ZNF276: variants seen among roughly 807,000 people sequenced by gnomAD.
ZNF276 encodes zinc finger protein 276.
Under a neutral mutation model 63.9 loss-of-function variants are expected in ZNF276, and 59 were observed. The ratio of observed to expected loss-of-function variants is 0.92; its 90% CI spans 0.75 to 1.15. The LOEUF is 1.15. Among genes scored for constraint, ZNF276 ranks in the 50% most tolerant of loss-of-function variants. ZNF276 has a pLI of 0.00. For synonymous variants in ZNF276, 496 were observed against 348.4 expected, an observed-to-expected ratio of 1.42 and a Z score of -4.72; for missense variants, 1,084 against 843.8, an observed-to-expected ratio of 1.28 and a Z score of -3.53.
chr16:89,720,944 T>A, upstream of ZNF276: 2 of 1,200,968 alleles, frequency 1.7e-6, no homozygotes, highest in Admixed American at 4.4e-5. Flanking sequence ...GCGCTGGTGC[T>A]GGAGCCGCCC....
intron 6 of ZNF276, chr16:89,732,963 TCCC>T (rs992701786): frequency 2.7e-5 from 9 of 329,664 alleles, no homozygotes; most frequent in African/African-American, 1.6e-4. Context: ...TGCTGTGCCC[TCCC>T]CCTCTGCTGT....
In ZNF276 at chr16:89,722,741, G is replaced by C; in HGVS notation, c.416G>C (p.Cys139Ser). 2 of 1,611,754 alleles carry C rather than the reference G, an allele frequency of 1.2e-6. No homozygotes were observed. The highest frequency in any genetic ancestry group is 1.7e-6 in the Non-Finnish European group (2 of 1,180,024). The change falls in exon 2 of 11, where the codon TGC (cysteine) becomes TCC (serine). Residue 139 changes from cysteine to serine, a missense_variant. Coordinates refer to ENST00000443381, the MANE Select transcript of ZNF276 (RefSeq NM_001113525.2). ...PTLSPFVCKSCHAQFYQCHSL... is the reference protein window; with the variant it reads ...PTLSPFVCKSSHAQFYQCHSL... Reference sequence around the variant, plus strand: ...TTGTCTCCGTTTGTCTGCAAGAGCTGCCACGCCCAGTTCTACCAGTGCCAC... The same window carrying C: ...TTGTCTCCGTTTGTCTGCAAGAGCTCCCACGCCCAGTTCTACCAGTGCCAC...
intron 1 of ZNF276, among the ~76,000 whole-genome samples, chr16:89,722,297 G>A (rs2061317433): frequency 6.6e-6 from 1 of 152,220 alleles, no homozygotes; most frequent in Non-Finnish European, 1.5e-5. Context: ...TCTTGAAGTT[G>A]CTTCGCTGGA....
At chr16:89,722,448 T>C in intron 1 of ZNF276, 83 bp from the exon 2 acceptor site, 1 of 1,457,816 alleles carries the variant, frequency 6.9e-7, no homozygotes, top group Non-Finnish European at 9.2e-7. Context: ...CTGCAGGCGC[T>C]GCCCTCGGAC....
At position 89,739,527 on chromosome 16, in the gene ZNF276, G is replaced by A. The variant is rs755375493; in HGVS notation, c.*1281G>A. 42 of 1,551,144 alleles carry A rather than the reference G, an allele frequency of 2.7e-5. No homozygotes were observed. Among genetic ancestry groups the A allele is most frequent in the South Asian group, 1.1e-4 (9 of 84,076 alleles). ...CTGGTGTGCTGATCCGGGGCCACAC[G>A]GAGGAGGAGCCGCCCCAGCCTGAGG... On this transcript the variant is annotated 3_prime_UTR_variant, in exon 11 of 11. Coordinates refer to ENST00000443381, the MANE Select transcript of ZNF276 (RefSeq NM_001113525.2).
At chr16:89,726,534 T>C (rs1009139509) in intron 4 of ZNF276, among the ~76,000 whole-genome samples, 5 of 152,142 alleles carry the variant, frequency 3.3e-5, no homozygotes, top group African/African-American at 1.2e-4. Context: ...GGTTTAACCA[T>C]GTTAGCCAGG....
chr16:89,724,160 G>A (rs1021571431), intron 4 of ZNF276, among the ~76,000 whole-genome samples: 7 of 152,214 alleles, frequency 4.6e-5, no homozygotes, highest in African/African-American at 2.4e-5. Context: ...CCAGTGTGGC[G>A]CAGCTTTCTC....
rs138210791 is a variant in ZNF276 at position 89,729,314 on chromosome 16, A to T, written c.1165A>T (p.Arg389Trp). 1 of 1,614,090 alleles carries T rather than the reference A, an allele frequency of 6.2e-7. No individual in the cohort carries two copies. The highest frequency in any genetic ancestry group is 8.5e-7 in the Non-Finnish European group (1 of 1,180,010). The part of the protein sequence containing the change: ...SDESFEPYPE[R>W]KVSGKKSESK... ...CGAGTCCTTTGAGCCTTACCCAGAA[A>T]GGAAGTAAGTGGGCAGCCCGGGGTC... The change falls in exon 6 of 11, where the codon AGG (arginine) becomes TGG (tryptophan). Residue 389 changes from arginine (R) to tryptophan (W), a missense_variant. Physicochemically the swap from Arg to Trp is moderately radical, Grantham distance 101 (BLOSUM62 -3). Coordinates refer to ENST00000443381, the MANE Select transcript of ZNF276 (RefSeq NM_001113525.2).
Position 89,725,705 on chromosome 16 carries a change from C to G in ZNF276, c.1007-1574C>G, listed in dbSNP as rs2151669492. Among the ~76,000 whole-genome samples the G allele has an allele frequency of 1.3e-5, 2 of 152,118 alleles. 1 individual carries two copies. The highest frequency in any genetic ancestry group is 4.2e-4 in the South Asian group (2 of 4,812). Reference sequence around the variant, plus strand: ...ACTTGGGAGGCTGAGGCAGGAGAATCGCTTGACCCTGGGAGGCGGAGATTG... The same window carrying G: ...ACTTGGGAGGCTGAGGCAGGAGAATGGCTTGACCCTGGGAGGCGGAGATTG... On this transcript the variant is annotated intron_variant, in intron 4 of 10. Coordinates refer to ENST00000443381, the MANE Select transcript of ZNF276 (RefSeq NM_001113525.2).
At chr16:89,721,433 G>A (rs573913914), upstream of ZNF276, 2 of 442,030 alleles carry the variant, frequency 4.5e-6, no homozygotes, top group Non-Finnish European at 7.9e-6. Context: ...CGGTACGAGC[G>A]GGGGCGCTGG....
At chr16:89,734,122 G>T in intron 9 of ZNF276, 84 bp downstream of exon 9, 2 of 1,296,982 alleles carry the variant, frequency 1.5e-6, no homozygotes, top group Admixed American at 1.9e-5. Flanking sequence ...ACCCATCCCC[G>T]CCCCAAGAGT....
chr16:89,723,475 G>T lies in ZNF276; in HGVS notation c.772G>T (p.Ala258Ser), dbSNP rs1861994141. The change falls in exon 4 of 11, where the codon GCA becomes TCA. Residue 258 changes from alanine (A) to serine (S), a missense_variant. By Grantham distance (99) the Ala-to-Ser change is moderately conservative (BLOSUM62 1). Transcript: ENST00000443381. ...GGCCTTCTTGCTGGACAGTGCGCTG[G>T]CAGTCAAGTGGCCATGGGACAAAGA... The part of the protein sequence containing the change: ...CKAFLLDSAL[A>S]VKWPWDKETA... The T allele has an allele frequency of 6.2e-7, 1 of 1,612,910 alleles. No individual in the cohort carries two copies. The highest frequency in any genetic ancestry group is 1.7e-5 in the Admixed American group (1 of 60,010).
Position 89,723,279 on chromosome 16 carries a change from C to G in ZNF276, c.576C>G (p.Ser192Arg). The G allele has an allele frequency of 6.2e-7, 1 of 1,612,984 alleles. No individual in the cohort carries two copies. Among genetic ancestry groups the G allele is most frequent in the Non-Finnish European group, 8.5e-7 (1 of 1,179,934 alleles). The change falls in exon 4 of 11, where the codon AGC becomes AGG. Residue 192 changes from serine (S) to arginine (R), a missense_variant. Physicochemically the swap from Ser to Arg is moderately radical, Grantham distance 110 (BLOSUM62 -1). Coordinates refer to ENST00000443381, the MANE Select transcript of ZNF276 (RefSeq NM_001113525.2). Reference protein sequence around the residue: ...GACLVDLITSSPQCLHGLVGW... With the variant: ...GACLVDLITSRPQCLHGLVGW... Reference sequence around the variant, plus strand: ...CTGCAGTGGATCTGATCACATCCAGCCCCCAGTGCCTGCACGGCTTGGTGG... The same window carrying G: ...CTGCAGTGGATCTGATCACATCCAGGCCCCAGTGCCTGCACGGCTTGGTGG...
At position 89,740,858 on chromosome 16, in the gene ZNF276, A is replaced by C. The variant is rs780604511; in HGVS notation, c.*2612A>C. On this transcript the variant is annotated 3_prime_UTR_variant, in exon 11 of 11. Transcript: ENST00000443381. ...CCATCAAGGAGAAGAAGAAAAGGAA[A>C]ACCAATAGCTGTAAATAAAAACGTG... 6.2e-7 allele frequency: 1 copy of C among 1,612,926 alleles called. No individual in the cohort carries two copies. Among genetic ancestry groups the C allele is most frequent in the African/African-American group, 1.3e-5 (1 of 74,894 alleles).
chr16:89,733,650 C>T (rs3803689), intron 8 of ZNF276, 93 bp downstream of exon 8: 633,316 of 1,434,180 alleles, frequency 0.44, 146,923 homozygotes, highest in East Asian at 0.79. Context: ...CTCAGACTTG[C>T]GCCCAAGGAC....
intron 9 of ZNF276, 39 bp downstream of exon 9, chr16:89,734,077 C>T: frequency 1.3e-6 from 2 of 1,583,104 alleles, no homozygotes; most frequent in African/African-American, 1.3e-5. Flanking sequence ...GGGTGACAGC[C>T]AGGGGCACGT....
chr16:89,733,093 G>C, intron 6 of ZNF276: 3 of 588,470 alleles, frequency 5.1e-6, no homozygotes, highest in East Asian at 3.0e-5. Flanking sequence ...GCTGTGTCCT[G>C]CGCCCTTGCC....
At position 89,722,704 on chromosome 16, in the gene ZNF276, C is replaced by A; in HGVS notation, c.379C>A (p.Gln127Lys). ...FQRLLGVAVR[Q>K]DPTLSPFVCK... is the part of the protein sequence containing the mutation. ...GCGCCTGCTTGGTGTGGCTGTCCGC[C>A]AGGACCCCACCTTGTCTCCGTTTGT... is the stretch of plus-strand genomic sequence containing the variant. Residue 127 changes from glutamine (Q) to lysine (K), a missense_variant, in exon 2 of 11, where the codon CAG (glutamine) becomes AAG (lysine). Coordinates refer to ENST00000443381, the MANE Select transcript of ZNF276 (RefSeq NM_001113525.2). 1 of 1,612,414 alleles carries A rather than the reference C, an allele frequency of 6.2e-7. No homozygotes were observed. The highest frequency in any genetic ancestry group is 1.6e-4 in the Middle Eastern group (1 of 6,062).
rs536765885 is a variant in ZNF276 at position 89,735,717 on chromosome 16, T to C, written c.1474+1679T>C. 1.4e-4 allele frequency among the ~76,000 whole-genome samples: 22 copies of C among 152,212 alleles called. No homozygotes were observed. The South Asian group carries it at 4.2e-3, about 29-fold the overall frequency. On this transcript the variant is annotated intron_variant, in intron 9 of 10. Transcript: ENST00000443381. ...GAGGCCGTCTTTACCAAAAACTTTT[T>C]TTTTAATTTATTGATGGAAACAGTC...
Sources: allele counts gnomAD v4.1 joint callset (sites outside exome capture counted in the v4.1 genomes callset), GRCh38; gene constraint gnomAD v4.1.1; transcripts MANE v1.5; gene names NCBI Gene and HGNC (gene_info 2026-07-23, HGNC 2026-07-21).